DYTN: variants seen among roughly 807,000 people sequenced by gnomAD.
The protein encoded by DYTN is dystrotelin.
In DYTN, 75 loss-of-function variants were observed where a neutral mutation model predicts 69.6. That is an observed-to-expected ratio of 1.08 (90% confidence interval 0.89 to 1.31). DYTN has a LOEUF of 1.31. DYTN is among the 50% of genes most tolerant of loss of function. The probability of loss-of-function intolerance (pLI) is 0.00; values close to 1 mark genes in which losing one functional copy is unlikely to be tolerated. For synonymous variants in DYTN, 252 were observed against 249.1 expected (o/e 1.01, Z -0.11); for missense variants, 726 against 688.4 (o/e 1.05, Z -0.61).
intron 2 of DYTN, among the ~76,000 whole-genome samples, chr2:206,707,944 G>T (rs1252965848): frequency 1.3e-5 from 2 of 152,172 alleles, no homozygotes; most frequent in Admixed American, 1.3e-4. Flanking sequence ...CTGCAGCCCA[G>T]CTTCAGAAGC....
chr2:206,697,927 T>C (rs1210274428), intron 7 of DYTN, among the ~76,000 whole-genome samples: 1 of 152,224 alleles, frequency 6.6e-6, no homozygotes, highest in African/African-American at 2.4e-5. Context: ...ATCTATAGAA[T>C]AGAAATAGTA....
chr2:206,716,044 C>T (rs1196676888), intron 1 of DYTN, among the ~76,000 whole-genome samples: 3 of 152,004 alleles, frequency 2.0e-5, no homozygotes, highest in Non-Finnish European at 1.5e-5. Flanking sequence ...GCCAAGATCG[C>T]GCTACTGCAC....
chr2:206,690,493 G>A (rs1219574428), intron 9 of DYTN, among the ~76,000 whole-genome samples: 1 of 152,238 alleles, frequency 6.6e-6, no homozygotes, highest in Admixed American at 6.5e-5. Flanking sequence ...GGCACCAGGA[G>A]TGGACCATGG....
intron 9 of DYTN, chr2:206,687,093 G>A (rs6717948): frequency 0.086 from 13,314 of 154,240 alleles, 1,931 homozygotes; most frequent in African/African-American, 0.3. Flanking sequence ...GAAGAAATGC[G>A]AAATAAATTT....
At position 206,651,864 on chromosome 2, in the gene DYTN, G is replaced by T. The variant is rs1201456196; in HGVS notation, c.1691C>A (p.Ala564Asp). 3 of 1,613,508 alleles carry T rather than the reference G, an allele frequency of 1.9e-6. No individual in the cohort carries two copies. The South Asian group carries it at 3.3e-5, about 18-fold the overall frequency. ...LYSGAQRVCR[A>D]FSALVDQIAL... is the part of the protein sequence containing the mutation. The stretch of plus-strand genomic sequence containing the variant: ...AATTTGATCAACAAGGGCAGAGAAG[G>T]CCCTGCACACTCGCTGAGCTCCACT... The change falls in exon 12 of 12, where the codon GCC becomes GAC. Residue 564 changes from alanine (A) to aspartate (D), a missense_variant. Coordinates refer to ENST00000452335, the MANE Select transcript of DYTN (RefSeq NM_001093730.1).
chr2:206,656,126 GT>G (rs1226509070), intron 11 of DYTN, among the ~76,000 whole-genome samples: 11 of 152,086 alleles, frequency 7.2e-5, no homozygotes, highest in Non-Finnish European at 7.4e-5. Flanking sequence ...TCTCCCTTCA[GT>G]TTTGTCAATA....
In DYTN at chr2:206,651,832, G is replaced by A. The variant is rs373373737; in HGVS notation, c.1723C>T (p.Pro575Ser). ...FSALVDQIAL[P>S]NLK ...TGGACTCCATTTCACTTCAAATTGG[G>A]CAAGGCAATTTGATCAACAAGGGCA... The change falls in exon 12 of 12, where the codon CCC (proline) becomes TCC (serine). Residue 575 changes from proline (P) to serine (S), a missense_variant. By Grantham distance (74) the Pro-to-Ser change is moderately conservative. Transcript: ENST00000452335. 43 of 1,613,496 alleles carry A rather than the reference G, an allele frequency of 2.7e-5. No homozygotes were observed. Among genetic ancestry groups the A allele is most frequent in the East Asian group, 8.9e-5 (4 of 44,882 alleles).
intron 11 of DYTN, among the ~76,000 whole-genome samples, chr2:206,656,093 C>CTATT (rs1699444669): frequency 6.6e-6 from 1 of 151,906 alleles, no homozygotes; most frequent in Admixed American, 6.6e-5. Context: ...AAGTCCCCTA[C>CTATT]TATTATTCTA....
At chr2:206,659,484 C>CAA (rs772861150) in intron 11 of DYTN, among the ~76,000 whole-genome samples, 1,472 of 64,464 alleles carry the variant, frequency 0.023, 129 homozygotes, top group East Asian at 0.032. Context: ...CAACAATTCT[C>CAA]AAAAAAAAAA....
intron 5 of DYTN, among the ~76,000 whole-genome samples, chr2:206,702,069 A>G (rs1699982578): frequency 6.6e-6 from 1 of 152,228 alleles, no homozygotes; most frequent in Non-Finnish European, 1.5e-5. Context: ...GCTTTATCAC[A>G]GCCCGACCTT....
At chr2:206,688,776 T>A (rs917592905) in intron 9 of DYTN, among the ~76,000 whole-genome samples, 16 of 152,212 alleles carry the variant, frequency 1.1e-4, no homozygotes, top group African/African-American at 3.9e-4. Flanking sequence ...TCAGGACTTG[T>A]TTTCTGTACT....
Position 206,668,547 on chromosome 2 carries a change from C to G in DYTN, c.981-2518G>C, listed in dbSNP as rs111947121. Among the ~76,000 whole-genome samples, 25 of 152,306 alleles carry G rather than the reference C, an allele frequency of 1.6e-4. 2 individuals are homozygous for G. The highest frequency in any genetic ancestry group is 4.8e-4 in the African/African-American group (20 of 41,556). ...TTCAAACGACATAAAATCTGCCTTT[C>G]TATACTTTTATATCTTTATCTGTAT... On this transcript the variant is annotated intron_variant, in intron 9 of 11. Transcript: ENST00000452335.
At chr2:206,681,773 T>C (rs897016915) in intron 9 of DYTN, among the ~76,000 whole-genome samples, 15 of 152,206 alleles carry the variant, frequency 9.9e-5, no homozygotes, top group African/African-American at 3.6e-4. Context: ...CTGGATTCAA[T>C]TTGCCAGTAT....
chr2:206,666,994 A>G (rs141756996), intron 9 of DYTN, among the ~76,000 whole-genome samples: 4 of 152,248 alleles, frequency 2.6e-5, no homozygotes, highest in African/African-American at 9.6e-5. Flanking sequence ...ACAGTGAGCT[A>G]TAACTGCACC....
At chr2:206,689,115 A>G (rs532781539) in intron 9 of DYTN, among the ~76,000 whole-genome samples, 1 of 152,294 alleles carries the variant, frequency 6.6e-6, no homozygotes, top group South Asian at 2.1e-4. Flanking sequence ...ACTTCCTGAA[A>G]TATTTAATAA....
chr2:206,707,346 T>G lies in DYTN; in HGVS notation c.252A>C (p.Arg84Ser), dbSNP rs746525367. The change falls in exon 3 of 12, where the codon AGA becomes AGC. Residue 84 changes from arginine (R) to serine (S), a missense_variant. Coordinates refer to ENST00000452335, the MANE Select transcript of DYTN (RefSeq NM_001093730.1). ...REENPGQVHP[R>S]APELTLSLLT... ...GAAGGCTCAGAGTGAGTTCCGGAGC[T>G]CTGGGATGCACTTGTCCTGGGTTTT... 1 of 1,612,830 alleles carries G rather than the reference T, an allele frequency of 6.2e-7. No individual in the cohort carries two copies. Among genetic ancestry groups the G allele is most frequent in the Non-Finnish European group, 8.5e-7 (1 of 1,179,582 alleles).
At chr2:206,667,512 C>T (rs1462318233) in intron 9 of DYTN, among the ~76,000 whole-genome samples, 1 of 152,214 alleles carries the variant, frequency 6.6e-6, no homozygotes, top group Non-Finnish European at 1.5e-5. Context: ...CCCTTCTTTA[C>T]TTGTCTCTGT....
At chr2:206,659,018 G>A (rs959129094) in intron 11 of DYTN, among the ~76,000 whole-genome samples, 3 of 149,762 alleles carry the variant, frequency 2.0e-5, no homozygotes, top group African/African-American at 7.4e-5. Context: ...CAGAGGCAAG[G>A]AACAGCTGAC....
chr2:206,707,048 G>A (rs16838635), intron 3 of DYTN, among the ~76,000 whole-genome samples: 5,844 of 152,204 alleles, frequency 0.038, 361 homozygotes, highest in African/African-American at 0.13. Context: ...TAGAGTAGGA[G>A]TGAATTTGTC....
Sources: gnomAD v4.1 joint callset for allele counts (sites outside exome capture counted in the v4.1 genomes callset) on GRCh38, gnomAD v4.1.1 for gene constraint, MANE v1.5 for transcripts, NCBI Gene and HGNC (gene_info 2026-07-23, HGNC 2026-07-21) for gene names.